Variants in ZFHX3 observed in about 807,000 individuals in gnomAD.
The protein encoded by ZFHX3 is zinc finger homeobox 3, also known as zinc finger homeobox protein 3.
ZFHX3 carries 42 observed loss-of-function variants against 279.1 expected under a neutral mutation model. That is an observed-to-expected ratio of 0.15 (90% CI 0.12 to 0.19). The LOEUF (loss-of-function observed/expected upper bound fraction) is 0.19. Among genes scored for constraint, ZFHX3 ranks in the 10% least tolerant of loss-of-function variants. ZFHX3 has a pLI of 1.00. For synonymous variants in ZFHX3, 2,293 were observed against 1,957.8 expected (o/e 1.17, Z -4.52); for missense variants, 4,981 against 4,754.0 (o/e 1.05, Z -1.40).
intron 3 of ZFHX3, among the ~76,000 whole-genome samples, chr16:73,412,326 C>CAAA (rs60447973): frequency 8.5e-6 from 1 of 117,424 alleles, no homozygotes; most frequent in Non-Finnish European, 1.7e-5. Flanking sequence ...GAGACTGTTT[C>CAAA]AAAAAAAAAA....
chr16:73,768,948 G>T (rs968328777), intron 1 of ZFHX3, among the ~76,000 whole-genome samples: 7 of 152,082 alleles, frequency 4.6e-5, no homozygotes, highest in African/African-American at 7.2e-5. Flanking sequence ...ACAAATATGG[G>T]ATGCCTAGTT....
At chr16:73,780,763 G>A (rs576028374) in intron 1 of ZFHX3, among the ~76,000 whole-genome samples, 2 of 152,242 alleles carry the variant, frequency 1.3e-5, no homozygotes, top group East Asian at 3.9e-4. Context: ...GAATTCTGAT[G>A]CAGACTCATC....
intron 1 of ZFHX3, among the ~76,000 whole-genome samples, chr16:72,998,539 C>T (rs1963374399): frequency 6.6e-6 from 1 of 152,212 alleles, no homozygotes; most frequent in African/African-American, 2.4e-5. Flanking sequence ...CCCTTGTTTT[C>T]CTACTAAGCC....
chr16:73,887,604 C>T (rs950815499), intron 1 of ZFHX3, among the ~76,000 whole-genome samples: 3 of 151,870 alleles, frequency 2.0e-5, no homozygotes, highest in Non-Finnish European at 2.9e-5. Flanking sequence ...GAAGTGAATG[C>T]TTCTTTAGAG....
At chr16:73,449,360 T>C (rs2143555350) in intron 3 of ZFHX3, among the ~76,000 whole-genome samples, 1 of 152,294 alleles carries the variant, frequency 6.6e-6, no homozygotes, top group South Asian at 2.1e-4. Context: ...AACGATCTTC[T>C]AAAAGTCTTC....
At chr16:73,168,211 T>TCTTTCTTTC (rs1967422435) in intron 5 of ZFHX3, among the ~76,000 whole-genome samples, 30 of 95,310 alleles carry the variant, frequency 3.1e-4, no homozygotes, top group Admixed American at 3.1e-3. Flanking sequence ...GTTTCTTTTG[T>TCTTTCTTTC]TTTCTTTCTT....
intron 2 of ZFHX3, among the ~76,000 whole-genome samples, chr16:73,517,914 A>G (rs1011104509): frequency 5.3e-5 from 8 of 152,224 alleles, no homozygotes; most frequent in Non-Finnish European, 1.5e-5. Flanking sequence ...AAACATAAAA[A>G]AATAAGTGAA....
chr16:73,511,096 G>C (rs1305833769), intron 2 of ZFHX3, among the ~76,000 whole-genome samples: 1 of 152,182 alleles, frequency 6.6e-6, no homozygotes, highest in Non-Finnish European at 1.5e-5. Context: ...ATTCAGGCAT[G>C]GTCACCTGTA....
chr16:73,553,009 C>T (rs953701576), intron 2 of ZFHX3, among the ~76,000 whole-genome samples: 1 of 152,184 alleles, frequency 6.6e-6, no homozygotes, highest in Non-Finnish European at 1.5e-5. Context: ...TTGTCACATT[C>T]TGCCGGGCTC....
chr16:72,936,917 G>A (rs973952291), intron 3 of ZFHX3, among the ~76,000 whole-genome samples: 2 of 152,108 alleles, frequency 1.3e-5, no homozygotes, highest in African/African-American at 4.8e-5. Context: ...GGCCTGGGAG[G>A]GTGGTGGTGC....
chr16:73,616,161 T>C (rs1458498739), intron 2 of ZFHX3, among the ~76,000 whole-genome samples: 5 of 151,920 alleles, frequency 3.3e-5, no homozygotes, highest in South Asian at 2.1e-4. Flanking sequence ...TCAGAAAGAA[T>C]TAACTTCAGC....
At chr16:72,870,181 C>G (rs1237241896) in intron 4 of ZFHX3, among the ~76,000 whole-genome samples, 1 of 151,268 alleles carries the variant, frequency 6.6e-6, no homozygotes, top group East Asian at 2.0e-4. Context: ...TGCTTGAGCC[C>G]AGGAGTTCAA....
rs997331443 is a variant in ZFHX3 at position 73,681,545 on chromosome 16, T to C, written c.-1607-1305A>G. Among the ~76,000 whole-genome samples, 50 of 152,144 alleles carry C rather than the reference T, an allele frequency of 3.3e-4. 1 individual carries two copies. Among genetic ancestry groups the C allele is most frequent in the African/African-American group, 1.1e-3 (45 of 41,514 alleles). ...CGAATAGTCATGAGTCTAGAGCACG[T>C]TGAGGTTTGGGCTTCTGGTTAGCGT... On this transcript the variant is annotated intron_variant, in intron 1 of 17. Coordinates refer to the ZFHX3 transcript ENST00000641206.
At chr16:73,608,475 T>C (rs1480597080) in intron 2 of ZFHX3, among the ~76,000 whole-genome samples, 2 of 152,246 alleles carry the variant, frequency 1.3e-5, no homozygotes, top group Admixed American at 6.5e-5. Flanking sequence ...AAATGACTTA[T>C]TGGCTCAGTT....
intron 1 of ZFHX3, among the ~76,000 whole-genome samples, chr16:73,858,563 C>A (rs1382432214): frequency 6.6e-6 from 1 of 152,222 alleles, no homozygotes; most frequent in African/African-American, 2.4e-5. Context: ...TATTGCCACA[C>A]ATTGTCTCAT....
At chr16:73,171,111 A>C (rs1375555376) in intron 5 of ZFHX3, among the ~76,000 whole-genome samples, 1 of 152,146 alleles carries the variant, frequency 6.6e-6, no homozygotes, top group African/African-American at 2.4e-5. Context: ...AGAGCCTCTC[A>C]AATAGAGGAT....
rs75287649 is a variant in ZFHX3 at position 72,954,430 on chromosome 16, C to T, written c.2719+2997G>A. The stretch of plus-strand genomic sequence containing the variant: ...CCTTAGTCTTGAGCCACACTGGATA[C>T]GTGGTCTTGGAGCAGGTCCCCATCT... On this transcript the variant is annotated intron_variant, in intron 2 of 9. Transcript: ENST00000268489. 7.3e-3 allele frequency among the ~76,000 whole-genome samples: 1,113 copies of T among 152,248 alleles called. 22 individuals are homozygous for T. The highest frequency in any genetic ancestry group is 0.025 in the African/African-American group (1,031 of 41,564).
At chr16:72,858,664 T>G (rs1242380287) in intron 4 of ZFHX3, among the ~76,000 whole-genome samples, 2 of 152,246 alleles carry the variant, frequency 1.3e-5, no homozygotes, top group African/African-American at 4.8e-5. Flanking sequence ...TATGCCTGCA[T>G]GATTACCCCT....
At chr16:73,387,377 C>T (rs1164309421) in intron 3 of ZFHX3, 2 of 152,048 alleles carry the variant, frequency 1.3e-5, no homozygotes, top group Non-Finnish European at 2.9e-5. Flanking sequence ...TAATGTTCTG[C>T]TTGAGGGAAA....
Sources: gnomAD v4.1 joint callset for allele counts (sites outside exome capture counted in the v4.1 genomes callset) on GRCh38, gnomAD v4.1.1 for gene constraint, MANE v1.5 for transcripts, NCBI Gene and HGNC (gene_info 2026-07-23, HGNC 2026-07-21) for gene names.